The following ZNF816 variants were observed in gnomAD, a reference collection of about 807,000 sequenced individuals.
ZNF816 encodes the protein zinc finger protein 816, also known as zinc finger protein 816A.
ZNF816 carries 11 observed loss-of-function variants against 8.3 expected under a neutral mutation model. The ratio of observed to expected loss-of-function variants is 1.32; its 90% CI spans 0.83 to 2.19. ZNF816 has a LOEUF of 2.19. ZNF816 is among the 30% of genes most tolerant of loss of function. ZNF816 has a pLI of 0.00. For missense variants in ZNF816, 710 were observed against 779.3 expected, an observed-to-expected ratio of 0.91 and a Z score of 1.06; for synonymous variants, 255 against 254.5, an observed-to-expected ratio of 1.00 and a Z score of -0.02.
At chr19:52,959,070 G>T (rs1182134000) in intron 1 of ZNF816, among the ~76,000 whole-genome samples, 1 of 152,240 alleles carries the variant, frequency 6.6e-6, no homozygotes, top group Non-Finnish European at 1.5e-5. Context: ...CCAGTGGCCT[G>T]CCTCTCTAAG....
chr19:52,951,985 A>C, intron 3 of ZNF816: 1 of 405,062 alleles, frequency 2.5e-6, no homozygotes, highest in Non-Finnish European at 4.3e-6. Context: ...TTTCTACAGC[A>C]GTGACTACTG....
chr19:52,950,590 T>C lies in ZNF816; in HGVS notation c.1185A>G (p.Lys395=). 6.2e-7 allele frequency: 1 copy of C among 1,614,158 alleles called. No individual in the cohort carries two copies. The highest frequency in any genetic ancestry group is 1.1e-5 in the South Asian group (1 of 91,084). ...QCHHILHTGE[K]PYKCEECDNV... ...TGTCACATTCTTCACATTTGTAAGG[T>C]TTCTCTCCAGTGTGAAGTATATGAT... The change falls in exon 4 of 4, where the codon AAA becomes AAG. Residue 395 remains lysine, a synonymous_variant. Transcript: ENST00000444460.
rs990195912 is a variant in ZNF816 at position 52,949,684 on chromosome 19, T to C, written c.*135A>G. The C allele has an allele frequency of 3.0e-6, 4 of 1,343,420 alleles. No homozygotes were observed. The highest frequency in any genetic ancestry group is 4.2e-6 in the Non-Finnish European group (4 of 943,070). 83.2% of individuals were successfully genotyped at this position (1,343,420 alleles called of 1,614,324 possible). A position where few individuals can be genotyped will look rare whatever the true frequency, so the allele number is the denominator to read the frequency against. The stretch of plus-strand genomic sequence containing the variant: ...TGTAAGGTTTCTCTCCAGTATGAGT[T>C]CACTGATGAACTACAAGTTATGAAT... On this transcript the variant is annotated 3_prime_UTR_variant, in exon 4 of 4. Transcript: ENST00000444460.
At position 52,956,022 on chromosome 19, in the gene ZNF816, C is replaced by G; in HGVS notation, c.63+5G>C. 1 of 1,608,608 alleles carries G rather than the reference C, an allele frequency of 6.2e-7. No homozygotes were observed. The highest frequency in any genetic ancestry group is 2.2e-5 in the East Asian group (1 of 44,808). ...CAGAAGAATCCACCAAGGAATATCA[C>G]TTACCTGAGGAAGAGCCATCCCTGG... is the stretch of plus-strand genomic sequence containing the variant. On this transcript the variant is annotated splice_donor_5th_base_variant and intron_variant, in intron 2 of 3. Transcript: ENST00000444460.
Position 52,951,585 on chromosome 19 carries a change from C to A in ZNF816, c.191-1G>T. 1 of 1,530,258 alleles carries A rather than the reference C, an allele frequency of 6.5e-7. No individual in the cohort carries two copies. The highest frequency in any genetic ancestry group is 1.3e-5 in the South Asian group (1 of 75,416). The allele number at this position is 1,530,258 out of a possible 1,614,324, so 94.8% of individuals were successfully genotyped here. A position where few individuals can be genotyped will look rare whatever the true frequency, so the allele number is the denominator to read the frequency against. On this transcript the variant is annotated splice_acceptor_variant, in intron 3 of 3. Coordinates refer to ENST00000444460, the MANE Select transcript of ZNF816 (RefSeq NM_001202457.3). LOFTEE classifies it high-confidence loss of function. Reference sequence around the variant, plus strand: ...TCCATCATGGATTTTAAAGAGCTATCTAAAAAATATAAAGACCAATAGGTT... The same window carrying A: ...TCCATCATGGATTTTAAAGAGCTATATAAAAAATATAAAGACCAATAGGTT...
At position 52,954,652 on chromosome 19, in the gene ZNF816, C is replaced by G. The variant is rs374187514; in HGVS notation, c.63+1375G>C. Among the ~76,000 whole-genome samples the G allele has an allele frequency of 1.7e-4, 26 of 152,100 alleles. No homozygotes were observed. In the East Asian group the frequency reaches 2.3e-3, roughly 14 times the overall value. ...CCAGCCTGGCCAACATGGTGAAACC[C>G]CATCTGTACTAATAACACAACAATT... is the stretch of plus-strand genomic sequence containing the variant. On this transcript the variant is annotated intron_variant, in intron 2 of 3. Coordinates refer to ENST00000444460, the MANE Select transcript of ZNF816 (RefSeq NM_001202457.3).
chr19:52,962,685 G>A (rs2083568161), intron 1 of ZNF816, 42 bp downstream of exon 1: 1 of 152,218 alleles, frequency 6.6e-6, no homozygotes, highest in Non-Finnish European at 1.5e-5. Flanking sequence ...CCAGCCTCAG[G>A]GCAACTTTAA....
In ZNF816 at chr19:52,952,769, T is replaced by G; in HGVS notation, c.172A>C (p.Arg58=). 2.5e-6 allele frequency: 4 copies of G among 1,614,040 alleles called. No homozygotes were observed. Among genetic ancestry groups the G allele is most frequent in the Non-Finnish European group, 3.4e-6 (4 of 1,180,012 alleles). ...LYRAVMLENY[R]NLEFVDSSLK... ...TCCTCACCCACAAACTCCAGGTTCC[T>G]GTAGTTCTCCAACATCACAGCCCTG... The change falls in exon 3 of 4, where the codon AGG becomes CGG. Residue 58 remains arginine (R), a synonymous_variant. Coordinates refer to ENST00000444460, the MANE Select transcript of ZNF816 (RefSeq NM_001202457.3).
rs939581025 is a variant in ZNF816 at position 52,957,741 on chromosome 19, G to A, written c.-15-1637C>T. On this transcript the variant is annotated intron_variant, in intron 1 of 3. Transcript: ENST00000444460. The surrounding 1 kb of genome is among the most constrained non-coding windows in gnomAD (Gnocchi z 4.6). The stretch of plus-strand genomic sequence containing the variant: ...TCTGTTGCCCCAGACTTGTACTGTA[G>A]GAAGACATAAAGTGATTCACCAGTT... Among the ~76,000 whole-genome samples the A allele has an allele frequency of 2.0e-5, 3 of 152,178 alleles. No homozygotes were observed. Among genetic ancestry groups the A allele is most frequent in the Admixed American group, 6.5e-5 (1 of 15,278 alleles).
rs746901879 is a variant in ZNF816, at chr19:52,950,948, T to A, written c.827A>T (p.His276Leu). The change falls in exon 4 of 4, where the codon CAT becomes CTT. Residue 276 changes from histidine to leucine, a missense_variant. His to Leu is a moderately conservative substitution (Grantham distance 99). Transcript: ENST00000444460. ...FNQKQYIVYH[H>L]RCHTGEKTYK... Reference sequence around the variant, plus strand: ...AGTTTTCTCACCAGTGTGACATCTATGATGATATACAATGTATTGCTTCTG... The same window carrying A: ...AGTTTTCTCACCAGTGTGACATCTAAGATGATATACAATGTATTGCTTCTG... The A allele has an allele frequency of 6.2e-7, 1 of 1,614,180 alleles. No individual in the cohort carries two copies. The highest frequency in any genetic ancestry group is 8.5e-7 in the Non-Finnish European group (1 of 1,180,026).
At chr19:52,955,338 C>T (rs887068555) in intron 2 of ZNF816, among the ~76,000 whole-genome samples, 14 of 152,298 alleles carry the variant, frequency 9.2e-5, no homozygotes, top group African/African-American at 1.9e-4. Context: ...TATCTATATC[C>T]GCTTTCCATT....
At chr19:52,955,538 G>A (rs927107850) in intron 2 of ZNF816, among the ~76,000 whole-genome samples, 1 of 152,144 alleles carries the variant, frequency 6.6e-6, no homozygotes, top group Non-Finnish European at 1.5e-5. Flanking sequence ...CAAAAGTTTG[G>A]CGTCAGAGAC....
Position 52,951,520 on chromosome 19 carries a change from G to A in ZNF816, c.255C>T (p.Ile85=). 1.9e-6 allele frequency: 3 copies of A among 1,609,058 alleles called. No individual in the cohort carries two copies. The highest frequency in any genetic ancestry group is 2.5e-6 in the Non-Finnish European group (3 of 1,177,426). Residue 85 remains isoleucine, a synonymous_variant, in exon 4 of 4, where the codon ATC becomes ATT. Coordinates refer to ENST00000444460, the MANE Select transcript of ZNF816 (RefSeq NM_001202457.3). ...STRHSITGEV[I]HTGTLQRHKS... The stretch of plus-strand genomic sequence containing the variant: ...TATGTCTTTGCAACGTCCCTGTGTG[G>A]ATCACTTCTCCTGTAATACTGTGCC...
At position 52,952,789 on chromosome 19, in the gene ZNF816, G is replaced by T; in HGVS notation, c.152C>A (p.Ala51Asp). 1 of 1,613,880 alleles carries T rather than the reference G, an allele frequency of 6.2e-7. No individual in the cohort carries two copies. The highest frequency in any genetic ancestry group is 8.5e-7 in the Non-Finnish European group (1 of 1,179,990). The change falls in exon 3 of 4, where the codon GCT becomes GAT. Residue 51 changes from alanine to aspartate, a missense_variant. Coordinates refer to ENST00000444460, the MANE Select transcript of ZNF816 (RefSeq NM_001202457.3). ...LNPAQRALYR[A>D]VMLENYRNLE... Reference sequence around the variant, plus strand: ...GTTCCTGTAGTTCTCCAACATCACAGCCCTGTATAAAGCCCTCTGTGCAGG... The same window carrying T: ...GTTCCTGTAGTTCTCCAACATCACATCCCTGTATAAAGCCCTCTGTGCAGG...
Position 52,957,339 on chromosome 19 carries a change from G to A in ZNF816, c.-15-1235C>T, listed in dbSNP as rs2083518906. Among the ~76,000 whole-genome samples the A allele has an allele frequency of 6.6e-6, 1 of 152,182 alleles. No individual in the cohort carries two copies. The highest frequency in any genetic ancestry group is 2.4e-5 in the African/African-American group (1 of 41,444). ...CTTGGGCGACATGGATTCTGAGAGTGCTACCAGGTAGGCATGTGCCCCAGA... is the reference window on the plus strand; with the variant it reads ...CTTGGGCGACATGGATTCTGAGAGTACTACCAGGTAGGCATGTGCCCCAGA... On this transcript the variant is annotated intron_variant, in intron 1 of 3. Coordinates refer to ENST00000444460, the MANE Select transcript of ZNF816 (RefSeq NM_001202457.3). This position sits in a 1 kb window ranked among gnomAD's most constrained non-coding sequence, Gnocchi z 4.6.
At position 52,951,460 on chromosome 19, in the gene ZNF816, T is replaced by G. The variant is rs1434661642; in HGVS notation, c.315A>C (p.Glu105Asp). Residue 105 changes from glutamate (E) to aspartate (D), a missense_variant, in exon 4 of 4, where the codon GAA becomes GAC. Transcript: ENST00000444460. ...CAAAGTGATGAATATCTTTCTTCAT[T>G]TCTGGGAAGCAAAAATCTCCAATGT... Reference protein sequence around the residue: ...SHHIGDFCFPEMKKDIHHFEF... With the variant: ...SHHIGDFCFPDMKKDIHHFEF... 6.2e-7 allele frequency: 1 copy of G among 1,614,030 alleles called. No individual in the cohort carries two copies. Among genetic ancestry groups the G allele is most frequent in the African/African-American group, 1.3e-5 (1 of 75,042 alleles).
intron 1 of ZNF816, among the ~76,000 whole-genome samples, chr19:52,961,347 T>G (rs915874731): frequency 1.3e-5 from 2 of 152,170 alleles, no homozygotes; most frequent in African/African-American, 4.8e-5. Flanking sequence ...AGTAACAAGC[T>G]CAGATTAAGA....
chr19:52,950,063 G>C lies in ZNF816; in HGVS notation c.1712C>G (p.Ala571Gly), dbSNP rs376324036. 1 of 1,612,704 alleles carries C rather than the reference G, an allele frequency of 6.2e-7. No homozygotes were observed. The highest frequency in any genetic ancestry group is 1.7e-4 in the Middle Eastern group (1 of 6,058). The change falls in exon 4 of 4, where the codon GCG becomes GGG. Residue 571 changes from alanine (A) to glycine (G), a missense_variant. Coordinates refer to ENST00000444460, the MANE Select transcript of ZNF816 (RefSeq NM_001202457.3). The part of the protein sequence containing the change: ...GEKPYKCNKC[A>G]KVFNQKGILA... ...GATTCCTTTTTGATTAAAAACCTTC[G>C]CACATTTATTACACTTGTAAGGTTT... is the stretch of plus-strand genomic sequence containing the variant.
chr19:52,951,379 G>C lies in ZNF816; in HGVS notation c.396C>G (p.Ile132Met), dbSNP rs200268035. ...GGTCTGTACTACCAGTCAACTTTTT[G>C]ATTTTTGTCATGGGTGCTTCATGGC... ...RNGHEAPMTK[I>M]KKLTGSTDRS... is the part of the protein sequence containing the mutation. Residue 132 changes from isoleucine to methionine, a missense_variant, in exon 4 of 4, where the codon ATC becomes ATG. By Grantham distance (10) the Ile-to-Met change is conservative. Transcript: ENST00000444460. 6.2e-7 allele frequency: 1 copy of C among 1,613,844 alleles called. No individual in the cohort carries two copies. The highest frequency in any genetic ancestry group is 8.5e-7 in the Non-Finnish European group (1 of 1,179,950).
Sources: gnomAD v4.1 joint callset for allele counts (sites outside exome capture counted in the v4.1 genomes callset) on GRCh38, gnomAD v4.1.1 for gene constraint, Gnocchi (gnomAD v3.1) non-coding constraint, MANE v1.5 for transcripts, NCBI Gene and HGNC (gene_info 2026-07-23, HGNC 2026-07-21) for gene names.